The following SBNO2 variants were observed in gnomAD, a reference collection of about 807,000 sequenced individuals.
SBNO2 encodes the protein protein strawberry notch homolog 2.
A neutral mutation model predicts 146.3 loss-of-function variants in SBNO2; 89 were observed. The observed-to-expected ratio is 0.61, with a 90% CI of 0.51 to 0.73. The LOEUF (loss-of-function observed/expected upper bound fraction) is 0.73, where lower values mean the gene tolerates loss of function less well. SBNO2 is among the 30% of genes least tolerant of loss of function. The pLI, the probability that SBNO2 is intolerant of heterozygous loss-of-function variation, is 0.00. For missense variants in SBNO2, 2,092 were observed against 2,003.7 expected, an observed-to-expected ratio of 1.04 and a Z score of -0.84; for synonymous variants, 1,147 against 892.6, an observed-to-expected ratio of 1.29 and a Z score of -5.08.
At chr19:1,163,185 G>C (rs536057801) in intron 1 of SBNO2, among the ~76,000 whole-genome samples, 1 of 152,336 alleles carries the variant, frequency 6.6e-6, no homozygotes, top group African/African-American at 2.4e-5. Flanking sequence ...TGCACACGTG[G>C]TTGGTTACAA....
chr19:1,169,989 T>C lies in SBNO2; in HGVS notation c.-127+4183A>G, dbSNP rs1004555292. Among the ~76,000 whole-genome samples the C allele has an allele frequency of 5.3e-5, 8 of 152,264 alleles. No individual in the cohort carries two copies. The South Asian group carries it at 6.2e-4, about 12-fold the overall frequency. On this transcript the variant is annotated intron_variant, in intron 1 of 31. Transcript: ENST00000361757. Reference sequence around the variant, plus strand: ...TTCTCTTCTGTGGACTGGCCTGCTCTGGACACGTGACCACACGTCTACCCC... The same window carrying C: ...TTCTCTTCTGTGGACTGGCCTGCTCCGGACACGTGACCACACGTCTACCCC...
chr19:1,133,147 C>T (rs1215865318), intron 4 of SBNO2, among the ~76,000 whole-genome samples: 2 of 152,054 alleles, frequency 1.3e-5, no homozygotes, highest in Admixed American at 6.5e-5. Flanking sequence ...GGTGGGAGGA[C>T]GGCCGGGCTG....
At position 1,108,049 on chromosome 19, in the gene SBNO2, GC is replaced by G; in HGVS notation, c.*170del. ...CCCGGCCCCCAGCTGTCCTGAGTGG[GC>G]CCCGCCAGGGCTGACCAGGTGGGGG... On this transcript the variant is annotated 3_prime_UTR_variant, in exon 32 of 32. Transcript: ENST00000361757. 1 of 625,718 alleles carries G rather than the reference GC, an allele frequency of 1.6e-6. No homozygotes were observed. Among genetic ancestry groups the G allele is most frequent in the Non-Finnish European group, 2.4e-6 (1 of 415,746 alleles). 38.8% of individuals were successfully genotyped at this position (625,718 alleles called of 1,614,324 possible).
At chr19:1,172,787 GC>G (rs1163080772) in intron 1 of SBNO2, among the ~76,000 whole-genome samples, 1 of 46,262 alleles carries the variant, frequency 2.2e-5, no homozygotes, top group African/African-American at 1.6e-4. Context: ...CGCCCCCCCC[GC>G]CCCGGCAAAC....
intron 4 of SBNO2, chr19:1,132,101 C>T (rs1205532556): frequency 6.5e-7 from 1 of 1,541,446 alleles, no homozygotes; most frequent in East Asian, 2.7e-5. Flanking sequence ...TTGTTCAGAG[C>T]CTCAAACTGC....
chr19:1,108,210 T>TA lies in SBNO2; in HGVS notation c.*9dup. 1 of 1,524,908 alleles carries TA rather than the reference T, an allele frequency of 6.6e-7. No individual in the cohort carries two copies. The highest frequency in any genetic ancestry group is 8.8e-7 in the Non-Finnish European group (1 of 1,133,942). The allele number at this position is 1,524,908 out of a possible 1,614,324, so 94.5% of individuals were successfully genotyped here. On this transcript the variant is annotated 3_prime_UTR_variant, in exon 32 of 32. Transcript: ENST00000361757. The stretch of plus-strand genomic sequence containing the variant: ...CCTGTGTCTTGGGGCATGTTTCGCC[T>TA]AAAGGCGTGTCAGAGAGGAGCCTGG...
chr19:1,111,230 GGAGC>G, intron 24 of SBNO2, 137 bp from the exon 25 acceptor site: 1 of 999,252 alleles, frequency 1.0e-6, no homozygotes, highest in Non-Finnish European at 1.4e-6. Flanking sequence ...GCCAGGGCCA[GGAGC>G]GGAGCCTTTT....
intron 5 of SBNO2, among the ~76,000 whole-genome samples, chr19:1,125,671 G>A (rs1431627586): frequency 6.8e-6 from 1 of 147,026 alleles, no homozygotes; most frequent in African/African-American, 2.6e-5. Context: ...GAGAGACTCT[G>A]TCTTAAAAAA....
At chr19:1,164,539 G>GAAC (rs2080385921) in intron 1 of SBNO2, among the ~76,000 whole-genome samples, 2 of 120,230 alleles carry the variant, frequency 1.7e-5, no homozygotes, top group South Asian at 3.2e-4. Flanking sequence ...GGAGGAGGAG[G>GAAC]AGGAGGAGGA....
At chr19:1,117,521 C>A in intron 14 of SBNO2, 22 bp from the exon 15 acceptor site, 1 of 1,543,862 alleles carries the variant, frequency 6.5e-7, no homozygotes, top group Admixed American at 2.0e-5. Flanking sequence ...CGTCACAAGG[C>A]GCCCCTGAGC....
intron 2 of SBNO2, among the ~76,000 whole-genome samples, chr19:1,152,643 G>C (rs1478038552): frequency 6.6e-6 from 1 of 152,146 alleles, no homozygotes; most frequent in Non-Finnish European, 1.5e-5. Context: ...CTACGAGAGG[G>C]GTACCCTGGC....
chr19:1,141,830 G>T (rs1003568506), intron 4 of SBNO2, among the ~76,000 whole-genome samples: 1 of 151,452 alleles, frequency 6.6e-6, no homozygotes, highest in Non-Finnish European at 1.5e-5. Context: ...ACTATGTTGC[G>T]CAGGCTGGTC....
intron 1 of SBNO2, among the ~76,000 whole-genome samples, chr19:1,166,137 TCCCCAGA>T (rs1199761325): frequency 2.0e-4 from 10 of 49,152 alleles, no homozygotes; most frequent in Admixed American, 1.1e-3. Flanking sequence ...AGACTTCAGA[TCCCCAGA>T]CCCCAGATCC....
Position 1,157,464 on chromosome 19 carries a change from A to C in SBNO2, c.-126-3062T>G, listed in dbSNP as rs1220982029. 6.7e-6 allele frequency among the ~76,000 whole-genome samples: 1 copy of C among 150,266 alleles called. No homozygotes were observed. Among genetic ancestry groups the C allele is most frequent in the Non-Finnish European group, 1.5e-5 (1 of 67,450 alleles). ...GGTGACACGGCCCACCCCGAGCCTCAGAGCCACGGGCCAGCCAAACGTCCA... is the reference window on the plus strand; with the variant it reads ...GGTGACACGGCCCACCCCGAGCCTCCGAGCCACGGGCCAGCCAAACGTCCA... On this transcript the variant is annotated intron_variant, in intron 1 of 31. Coordinates refer to ENST00000361757, the MANE Select transcript of SBNO2 (RefSeq NM_014963.3). This position sits in a 1 kb window ranked among gnomAD's most constrained non-coding sequence, Gnocchi z 6.8.
intron 7 of SBNO2, 107 bp downstream of exon 7, chr19:1,123,427 C>CTTCACA (rs1166884102): frequency 3.8e-5 from 36 of 952,844 alleles, no homozygotes; most frequent in Non-Finnish European, 5.8e-5. Context: ...CTCCCTGAAG[C>CTTCACA]TTCACATTCC....
At chr19:1,133,539 T>TGCAGACTGTC (rs1279759576) in intron 4 of SBNO2, among the ~76,000 whole-genome samples, 1 of 152,192 alleles carries the variant, frequency 6.6e-6, no homozygotes, top group Non-Finnish European at 1.5e-5. Flanking sequence ...CGGAGGCTGG[T>TGCAGACTGTC]GCAGACTGTC....
Position 1,112,371 on chromosome 19 carries a change from C to A in SBNO2, c.2515+31G>T. ...GCCGAGACCATGTTGGGGGCGGGGC[C>A]AGGCAGCGCTGGGGGCGGGGCCGGA... On this transcript the variant is annotated intron_variant, in intron 21 of 31. Transcript: ENST00000361757. The surrounding 1 kb of genome is among the most constrained non-coding windows in gnomAD (Gnocchi z 5.9). 1 of 1,578,912 alleles carries A rather than the reference C, an allele frequency of 6.3e-7. No homozygotes were observed. Among genetic ancestry groups the A allele is most frequent in the Non-Finnish European group, 8.6e-7 (1 of 1,165,848 alleles).
At chr19:1,139,282 G>C (rs2080113466) in intron 4 of SBNO2, among the ~76,000 whole-genome samples, 1 of 152,204 alleles carries the variant, frequency 6.6e-6, no homozygotes, top group Non-Finnish European at 1.5e-5. Flanking sequence ...GAAATGTGCA[G>C]GACAGGCCAA....
chr19:1,124,196 C>G, intron 5 of SBNO2, 174 bp from the exon 6 acceptor site: 4 of 649,788 alleles, frequency 6.2e-6, no homozygotes, highest in Non-Finnish European at 1.1e-5. Context: ...GACCCTGGTG[C>G]CTCCCAAGCC....
Sources: gnomAD v4.1 joint callset for allele counts (sites outside exome capture counted in the v4.1 genomes callset) on GRCh38, gnomAD v4.1.1 for gene constraint, Gnocchi (gnomAD v3.1) non-coding constraint, MANE v1.5 for transcripts, NCBI Gene and HGNC (gene_info 2026-07-23, HGNC 2026-07-21) for gene names.